TMEM132D: variants seen among roughly 807,000 people sequenced by gnomAD.
TMEM132D encodes the protein transmembrane protein 132D.
In TMEM132D, 21 loss-of-function variants were observed where a neutral mutation model predicts 62.3. That is an observed-to-expected ratio of 0.34 (90% confidence interval 0.24 to 0.49). TMEM132D has a LOEUF of 0.49. TMEM132D is among the 20% of genes least tolerant of loss of function. The probability of loss-of-function intolerance (pLI) is 0.99; values close to 1 mark genes in which losing one functional copy is unlikely to be tolerated. For missense variants in TMEM132D, 1,346 were observed against 1,402.8 expected (o/e 0.96, Z 0.65); for synonymous variants, 621 against 575.6 (o/e 1.08, Z -1.13).
At chr12:129,622,081 C>G (rs1225081533) in intron 2 of TMEM132D, among the ~76,000 whole-genome samples, 2 of 152,126 alleles carry the variant, frequency 1.3e-5, no homozygotes, top group African/African-American at 4.8e-5. Context: ...TCAGTAGGTA[C>G]GTGGGGGAAC....
At chr12:129,455,555 T>C (rs912461699) in intron 3 of TMEM132D, among the ~76,000 whole-genome samples, 1 of 152,194 alleles carries the variant, frequency 6.6e-6, no homozygotes, top group African/African-American at 2.4e-5. Flanking sequence ...AAAATAGCTT[T>C]GGGAGAAGGA....
intron 5 of TMEM132D, among the ~76,000 whole-genome samples, chr12:129,175,361 C>T (rs76324040): frequency 0.078 from 11,912 of 152,146 alleles, 698 homozygotes; most frequent in African/African-American, 0.16. Context: ...CACCAAGGGC[C>T]AGGGTTTGAT....
At chr12:129,737,900 A>G (rs1481649218) in intron 1 of TMEM132D, among the ~76,000 whole-genome samples, 1 of 152,134 alleles carries the variant, frequency 6.6e-6, no homozygotes, top group East Asian at 1.9e-4. Flanking sequence ...TGATGGTTCA[A>G]CTCTTTGGTT....
intron 2 of TMEM132D, among the ~76,000 whole-genome samples, chr12:129,654,674 G>C (rs905119545): frequency 6.6e-6 from 1 of 152,140 alleles, no homozygotes; most frequent in South Asian, 2.1e-4. Flanking sequence ...CAATCATTTG[G>C]ACCCTCGGCT....
intron 2 of TMEM132D, among the ~76,000 whole-genome samples, chr12:129,686,529 C>T (rs754114903): frequency 6.6e-6 from 1 of 152,176 alleles, no homozygotes; most frequent in Non-Finnish European, 1.5e-5. Flanking sequence ...TTATAAATTA[C>T]CCAGTCTTGG....
chr12:129,352,060 C>T (rs143674572), intron 3 of TMEM132D, among the ~76,000 whole-genome samples: 3 of 152,108 alleles, frequency 2.0e-5, no homozygotes, highest in Non-Finnish European at 2.9e-5. Context: ...CGAACCAGAG[C>T]GACTCCATCT....
chr12:129,089,924 G>A (rs1345770355), intron 5 of TMEM132D, among the ~76,000 whole-genome samples: 1 of 152,260 alleles, frequency 6.6e-6, no homozygotes, highest in Non-Finnish European at 1.5e-5. Flanking sequence ...CTCTCTTGCA[G>A]TCTGCCTTTT....
At chr12:129,466,642 C>T (rs1267962595) in intron 3 of TMEM132D, among the ~76,000 whole-genome samples, 2 of 152,086 alleles carry the variant, frequency 1.3e-5, no homozygotes, top group Admixed American at 6.5e-5. Flanking sequence ...AGGTACATTC[C>T]CTGGAGAAGA....
chr12:129,644,223 G>A (rs1386375566), intron 2 of TMEM132D, among the ~76,000 whole-genome samples: 2 of 152,142 alleles, frequency 1.3e-5, no homozygotes, highest in Admixed American at 6.5e-5. Context: ...TATGTCATCA[G>A]GAATTCCTGA....
chr12:129,839,928 T>G (rs934474596), intron 1 of TMEM132D: 1 of 152,132 alleles, frequency 6.6e-6, no homozygotes, highest in African/African-American at 2.4e-5. Flanking sequence ...GAGTGTCTGA[T>G]TCACACAGGG....
At chr12:129,880,954 G>A (rs1435840066) in intron 1 of TMEM132D, among the ~76,000 whole-genome samples, 2 of 151,952 alleles carry the variant, frequency 1.3e-5, no homozygotes, top group Admixed American at 6.6e-5. Flanking sequence ...ATAAAGTAAC[G>A]CCCATTTACA....
intron 3 of TMEM132D, among the ~76,000 whole-genome samples, chr12:129,344,400 TGC>T (rs1869614629): frequency 6.6e-6 from 1 of 152,214 alleles, no homozygotes; most frequent in Admixed American, 6.5e-5. Flanking sequence ...ATCATCTGCA[TGC>T]ACCAACTGGC....
chr12:129,414,939 G>A (rs1315596871), intron 3 of TMEM132D, among the ~76,000 whole-genome samples: 1 of 152,064 alleles, frequency 6.6e-6, no homozygotes, highest in East Asian at 1.9e-4. Flanking sequence ...TCTGTGCCTG[G>A]CTTATTTCCC....
At chr12:129,628,073 T>G (rs920483344) in intron 2 of TMEM132D, among the ~76,000 whole-genome samples, 3 of 152,234 alleles carry the variant, frequency 2.0e-5, no homozygotes, top group African/African-American at 7.2e-5. Context: ...AAGACTAAAT[T>G]GTAATTTTGG....
intron 4 of TMEM132D, among the ~76,000 whole-genome samples, chr12:129,313,223 A>T (rs1201335250): frequency 1.3e-5 from 2 of 151,996 alleles, no homozygotes; most frequent in East Asian, 3.9e-4. Flanking sequence ...TGGTTACATG[A>T]GTTAGTTCTT....
intron 3 of TMEM132D, among the ~76,000 whole-genome samples, chr12:129,465,644 C>T (rs11060360): frequency 0.19 from 28,831 of 152,130 alleles, 2,656 homozygotes; most frequent in Middle Eastern, 0.24. Context: ...CATTCTTATA[C>T]ACCAATAACA....
intron 1 of TMEM132D, among the ~76,000 whole-genome samples, chr12:129,851,873 C>T (rs1363678862): frequency 6.6e-6 from 1 of 152,230 alleles, no homozygotes; most frequent in Non-Finnish European, 1.5e-5. Flanking sequence ...TTTAATAAAA[C>T]TTTGTGTTTG....
At chr12:129,632,913 CCT>C (rs1163923341) in intron 2 of TMEM132D, among the ~76,000 whole-genome samples, 1 of 152,140 alleles carries the variant, frequency 6.6e-6, no homozygotes, top group Non-Finnish European at 1.5e-5. Flanking sequence ...TCTATGCAGT[CCT>C]CTCTTTGCTT....
At chr12:129,638,853 C>T (rs1431029594) in intron 2 of TMEM132D, among the ~76,000 whole-genome samples, 2 of 152,006 alleles carry the variant, frequency 1.3e-5, no homozygotes, top group Non-Finnish European at 2.9e-5. Context: ...CCAAAGGTGG[C>T]CACATTGCTT....
Sources: allele counts gnomAD v4.1 joint callset (sites outside exome capture counted in the v4.1 genomes callset), GRCh38; gene constraint gnomAD v4.1.1; transcripts MANE v1.5; gene names NCBI Gene and HGNC (gene_info 2026-07-23, HGNC 2026-07-21).